FBXL14: variants seen among roughly 807,000 people sequenced by gnomAD.
The protein encoded by FBXL14 is F-box and leucine rich repeat protein 14.
FBXL14 carries 11 observed loss-of-function variants against 24.5 expected under a neutral mutation model. That is an observed-to-expected ratio of 0.45 (90% CI 0.28 to 0.74). The LOEUF is 0.74. Among genes scored for constraint, FBXL14 ranks in the 30% least tolerant of loss-of-function variants. FBXL14 has a pLI of 0.12. For synonymous variants in FBXL14, 294 were observed against 240.4 expected, an observed-to-expected ratio of 1.22 and a Z score of -2.06; for missense variants, 384 against 545.6, an observed-to-expected ratio of 0.70 and a Z score of 2.95.
At chr12:1,591,059 G>GT (rs918394524) in intron 1 of FBXL14, among the ~76,000 whole-genome samples, 9 of 152,114 alleles carry the variant, frequency 5.9e-5, no homozygotes, top group African/African-American at 1.9e-4. Flanking sequence ...TACAAATCTG[G>GT]TTTTTTAAAA....
At chr12:1,575,491 G>A (rs752581008) in intron 1 of FBXL14, among the ~76,000 whole-genome samples, 2 of 152,138 alleles carry the variant, frequency 1.3e-5, no homozygotes, top group African/African-American at 4.8e-5. Flanking sequence ...TGTGCCGTTC[G>A]GGATCCCGTG....
At chr12:1,576,250 C>T (rs868647956) in intron 1 of FBXL14, among the ~76,000 whole-genome samples, 3 of 152,218 alleles carry the variant, frequency 2.0e-5, no homozygotes, top group Middle Eastern at 3.4e-3. Flanking sequence ...CAGACTAAAC[C>T]GACCAGAGCA....
chr12:1,576,448 C>T (rs2094456092), intron 1 of FBXL14, among the ~76,000 whole-genome samples: 1 of 152,162 alleles, frequency 6.6e-6, no homozygotes, highest in South Asian at 2.1e-4. Context: ...GAGGCTGTCA[C>T]CCTCTGGAGC....
At position 1,593,662 on chromosome 12, in the gene FBXL14, C is replaced by G; in HGVS notation, c.405G>C (p.Leu135=). The G allele has an allele frequency of 6.2e-7, 1 of 1,614,156 alleles. No homozygotes were observed. Among genetic ancestry groups the G allele is most frequent in the East Asian group, 2.2e-5 (1 of 44,876 alleles). The part of the protein sequence containing the change: ...SLCKQITDSS[L]GRIAQYLKGL... ...CCTTGAGGTACTGGGCTATGCGGCC[C>G]AGGCTGCTGTCAGTGATCTGCTTGC... Residue 135 remains leucine (L), a synonymous_variant, in exon 1 of 2, where the codon CTG becomes CTC. Coordinates refer to ENST00000339235, the MANE Select transcript of FBXL14 (RefSeq NM_152441.3). The surrounding 1 kb of genome is among the most constrained non-coding windows in gnomAD (Gnocchi z 7.4).
intron 1 of FBXL14, among the ~76,000 whole-genome samples, chr12:1,589,436 CAAA>C (rs71055169): frequency 1.2e-4 from 4 of 34,068 alleles, no homozygotes; most frequent in African/African-American, 3.1e-4. Context: ...GACCTTGTCT[CAAA>C]AAAAAAAAAA....
chr12:1,574,438 G>A, intron 1 of FBXL14, among the ~76,000 whole-genome samples: 2 of 67,942 alleles, frequency 2.9e-5, no homozygotes, highest in Non-Finnish European at 7.8e-5. Context: ...AGCCTGGGGT[G>A]AGGGGAGGCT....
intron 1 of FBXL14, among the ~76,000 whole-genome samples, chr12:1,570,288 A>G (rs2094443186): frequency 6.6e-6 from 1 of 152,232 alleles, no homozygotes; most frequent in South Asian, 2.1e-4. Context: ...GGACGTGGCC[A>G]CTGGGGCCAA....
intron 1 of FBXL14, among the ~76,000 whole-genome samples, chr12:1,592,669 C>A (rs912723429): frequency 6.6e-6 from 1 of 152,182 alleles, no homozygotes; most frequent in African/African-American, 2.4e-5. Context: ...AGGGTAGGAA[C>A]CCCAGCTGCA....
intron 1 of FBXL14, among the ~76,000 whole-genome samples, chr12:1,575,361 C>T (rs1158602583): frequency 6.6e-6 from 1 of 152,160 alleles, no homozygotes. Context: ...CTAATCTTAT[C>T]TATCTGTCTT....
At chr12:1,576,732 G>C (rs1269696516) in intron 1 of FBXL14, among the ~76,000 whole-genome samples, 1 of 152,182 alleles carries the variant, frequency 6.6e-6, no homozygotes, top group African/African-American at 2.4e-5. Flanking sequence ...CAAGAAAGCA[G>C]ACCTCCATAC....
At chr12:1,578,719 C>T (rs1047174621) in intron 1 of FBXL14, among the ~76,000 whole-genome samples, 1 of 152,012 alleles carries the variant, frequency 6.6e-6, no homozygotes, top group Admixed American at 6.6e-5. Flanking sequence ...ATGATGAAGA[C>T]TAAAATAACG....
rs865916710 is a variant in FBXL14 at position 1,569,417 on chromosome 12, C to T, written c.1195-2607G>A. On this transcript the variant is annotated intron_variant, in intron 1 of 1. Coordinates refer to ENST00000339235, the MANE Select transcript of FBXL14 (RefSeq NM_152441.3). This position sits in a 1 kb window ranked among gnomAD's most constrained non-coding sequence, Gnocchi z 4.2. ...TCGTTCTTTTTTTTTTTTTTTTTGT[C>T]TGAGACGGAGTCTCGCTCTGTCACC... is the stretch of plus-strand genomic sequence containing the variant. Among the ~76,000 whole-genome samples the T allele has an allele frequency of 0.025, 2,776 of 110,512 alleles. 86 individuals carry two copies. The highest frequency in any genetic ancestry group is 0.084 in the African/African-American group (2,433 of 29,068). 72.5% of individuals were successfully genotyped at this position (110,512 alleles called of 152,430 possible). A position where few individuals can be genotyped will look rare whatever the true frequency, so the allele number is the denominator to read the frequency against.
chr12:1,584,897 C>T (rs2094473424), intron 1 of FBXL14, among the ~76,000 whole-genome samples: 1 of 152,194 alleles, frequency 6.6e-6, no homozygotes, highest in South Asian at 2.1e-4. Context: ...AGCAGAAATG[C>T]TTGTCTTCCA....
At chr12:1,580,610 C>T (rs556977469) in intron 1 of FBXL14, among the ~76,000 whole-genome samples, 2 of 152,288 alleles carry the variant, frequency 1.3e-5, no homozygotes, top group African/African-American at 4.8e-5. Flanking sequence ...AACCTCTGGC[C>T]TCCAGCACAT....
chr12:1,571,059 G>C (rs962342233), intron 1 of FBXL14, among the ~76,000 whole-genome samples: 3 of 152,216 alleles, frequency 2.0e-5, no homozygotes, highest in Non-Finnish European at 2.9e-5. Flanking sequence ...TCATTGCTAT[G>C]ACTGCCTGAT....
intron 1 of FBXL14, among the ~76,000 whole-genome samples, chr12:1,570,636 C>T (rs1011067620): frequency 2.0e-5 from 3 of 151,970 alleles, no homozygotes; most frequent in Admixed American, 6.6e-5. Flanking sequence ...TCTGGTTTTG[C>T]AAGTGAAAAA....
chr12:1,576,686 A>G (rs1164834683), intron 1 of FBXL14, among the ~76,000 whole-genome samples: 2 of 152,146 alleles, frequency 1.3e-5, no homozygotes, highest in Non-Finnish European at 2.9e-5. Context: ...GGTTGGGCGC[A>G]GTTCCCAGTA....
chr12:1,591,626 A>AC (rs1270848846), intron 1 of FBXL14, among the ~76,000 whole-genome samples: 1 of 152,026 alleles, frequency 6.6e-6, no homozygotes, highest in Non-Finnish European at 1.5e-5. Context: ...ACAAGTCCCA[A>AC]CCCCCACCAA....
chr12:1,572,610 G>A (rs1195800052), intron 1 of FBXL14, among the ~76,000 whole-genome samples: 1 of 129,606 alleles, frequency 7.7e-6, no homozygotes, highest in African/African-American at 2.7e-5. Context: ...CAGTCCTGAC[G>A]CACATACAGG....
Sources: allele counts gnomAD v4.1 joint callset (sites outside exome capture counted in the v4.1 genomes callset), GRCh38; gene constraint gnomAD v4.1.1; non-coding constraint Gnocchi (gnomAD v3.1); transcripts MANE v1.5; gene names NCBI Gene and HGNC (gene_info 2026-07-23, HGNC 2026-07-21).